PRKACB: variants seen among roughly 807,000 people sequenced by gnomAD.
PRKACB encodes the protein cAMP-dependent protein kinase catalytic subunit beta.
In PRKACB, 16 loss-of-function variants were observed where a neutral mutation model predicts 51.4. The observed-to-expected ratio is 0.31, with a 90% CI of 0.21 to 0.47. PRKACB has a LOEUF of 0.47. Ranked by LOEUF, PRKACB falls within the 20% of genes least tolerant of loss-of-function variation. The pLI, the probability that PRKACB is intolerant of heterozygous loss-of-function variation, is 1.00. For synonymous variants in PRKACB, 147 were observed against 154.4 expected (o/e 0.95, Z 0.35); for missense variants, 309 against 464.5 (o/e 0.67, Z 3.08).
In PRKACB at chr1:84,185,193, GT is replaced by G; in HGVS notation, c.560+15del. 6.7e-7 allele frequency: 1 copy of G among 1,494,432 alleles called. No homozygotes were observed. Among genetic ancestry groups the G allele is most frequent in the Non-Finnish European group, 8.9e-7 (1 of 1,120,704 alleles). 92.6% of individuals were successfully genotyped at this position (1,494,432 alleles called of 1,614,324 possible). ...AATTGGAAGGTTCAGGTAACTAATG[GT>G]TTTGCTTTCTTCAAATCTTTATATG... On this transcript the variant is annotated intron_variant, in intron 5 of 9. Coordinates refer to ENST00000370685, the MANE Select transcript of PRKACB (RefSeq NM_182948.4).
exon 1 of PRKACB, chr1:84,078,238 A>T: frequency 6.9e-7 from 1 of 1,457,408 alleles, no homozygotes; most frequent in Non-Finnish European, 9.4e-7. Flanking sequence ...ACGGGTGCAG[A>T]CGCGGGAGTT....
At chr1:84,124,550 T>G (rs957756976) in intron 1 of PRKACB, among the ~76,000 whole-genome samples, 1 of 152,222 alleles carries the variant, frequency 6.6e-6, no homozygotes, top group African/African-American at 2.4e-5. Context: ...TGGACATTTG[T>G]AATGTTGCTG....
intron 8 of PRKACB, among the ~76,000 whole-genome samples, chr1:84,207,268 G>A (rs1671477176): frequency 6.6e-6 from 1 of 152,126 alleles, no homozygotes; most frequent in Non-Finnish European, 1.5e-5. Context: ...CTGCAACCTT[G>A]TAGACTCATT....
chr1:84,225,448 C>T (rs1012033062), intron 9 of PRKACB, among the ~76,000 whole-genome samples: 6 of 152,012 alleles, frequency 3.9e-5, no homozygotes, highest in Non-Finnish European at 5.9e-5. Context: ...TGTGTGGGCT[C>T]GAGTGCTGGG....
intron 1 of PRKACB, among the ~76,000 whole-genome samples, chr1:84,095,447 A>G (rs914649108): frequency 6.6e-6 from 1 of 151,960 alleles, no homozygotes; most frequent in Non-Finnish European, 1.5e-5. Context: ...CTTTCTTTGA[A>G]CACTTTGAAG....
chr1:84,107,745 A>G (rs1225004110), intron 1 of PRKACB, among the ~76,000 whole-genome samples: 3 of 152,172 alleles, frequency 2.0e-5, no homozygotes, highest in Non-Finnish European at 4.4e-5. Flanking sequence ...AATGCTCAAT[A>G]TGACTAATCA....
Position 84,234,697 on chromosome 1 carries a change from C to A in PRKACB, c.1072-483C>A, listed in dbSNP as rs1482412810. Among the ~76,000 whole-genome samples, 12 of 152,166 alleles carry A rather than the reference C, an allele frequency of 7.9e-5. 1 individual carries two copies. The South Asian group carries it at 1.0e-3, about 13-fold the overall frequency. ...ATTTTCCAGGTGCCGTCTGTCACCCCTTTCTTTGACTAGGAAAGGGAACTC... is the reference window on the plus strand; with the variant it reads ...ATTTTCCAGGTGCCGTCTGTCACCCATTTCTTTGACTAGGAAAGGGAACTC... On this transcript the variant is annotated intron_variant, in intron 9 of 9. Coordinates refer to ENST00000370685, the MANE Select transcript of PRKACB (RefSeq NM_182948.4).
intron 1 of PRKACB, among the ~76,000 whole-genome samples, chr1:84,112,038 A>G (rs139171509): frequency 0.014 from 2,131 of 152,218 alleles, 19 homozygotes; most frequent in Non-Finnish European, 0.022. Context: ...TTTACTTATT[A>G]TATTAATAAG....
intron 5 of PRKACB, among the ~76,000 whole-genome samples, chr1:84,195,878 A>G (rs1483581805): frequency 6.7e-6 from 1 of 149,948 alleles, no homozygotes; most frequent in Non-Finnish European, 1.5e-5. Flanking sequence ...GTGCCACTGC[A>G]CTCCAGCCTG....
intron 5 of PRKACB, among the ~76,000 whole-genome samples, chr1:84,195,796 C>G (rs1668066579): frequency 6.6e-6 from 1 of 151,800 alleles, no homozygotes; most frequent in Non-Finnish European, 1.5e-5. Context: ...GCTTGTAATC[C>G]CAGCTACTCA....
rs1364179682 is a variant in PRKACB, at chr1:84,235,377, C to T, written c.*72C>T. The T allele has an allele frequency of 1.9e-6, 3 of 1,586,688 alleles. No homozygotes were observed. The highest frequency in any genetic ancestry group is 2.6e-6 in the Non-Finnish European group (3 of 1,165,064). ...GTTGAGAGATAAGGTAGAGCTGAGA[C>T]CGTCCTTGTTGAAGCAGTTACCTAG... is the stretch of plus-strand genomic sequence containing the variant. On this transcript the variant is annotated 3_prime_UTR_variant, in exon 10 of 10. Coordinates refer to ENST00000370685, the MANE Select transcript of PRKACB (RefSeq NM_182948.4).
intron 1 of PRKACB, among the ~76,000 whole-genome samples, chr1:84,158,245 C>T (rs1196278547): frequency 6.6e-6 from 1 of 152,034 alleles, no homozygotes; most frequent in African/African-American, 2.4e-5. Context: ...ACTATGTTGG[C>T]CAGGCTGGGC....
At chr1:84,229,904 T>G (rs2101685034) in intron 9 of PRKACB, among the ~76,000 whole-genome samples, 1 of 152,224 alleles carries the variant, frequency 6.6e-6, no homozygotes, top group East Asian at 1.9e-4. Context: ...CTGATGGTAG[T>G]TTCTTTTGAT....
chr1:84,147,348 C>G (rs1654243132), intron 1 of PRKACB, among the ~76,000 whole-genome samples: 2 of 151,984 alleles, frequency 1.3e-5, no homozygotes, highest in African/African-American at 4.8e-5. Flanking sequence ...TATACAATCT[C>G]TCAGACAGTT....
intron 1 of PRKACB, among the ~76,000 whole-genome samples, chr1:84,173,578 A>T (rs1478475430): frequency 6.6e-6 from 1 of 151,618 alleles, no homozygotes; most frequent in African/African-American, 2.4e-5. Flanking sequence ...GTGGAAGAAG[A>T]TGGACTAATG....
rs1165043294 is a variant in PRKACB at position 84,180,182 on chromosome 1, T to TGA, written c.249+945_249+946dup. ...AATCAACGAATGGATAAAGAAACTG[T>TGA]GATATATATATATATATATATATAT... On this transcript the variant is annotated intron_variant, in intron 2 of 9. Transcript: ENST00000370685. Among the ~76,000 whole-genome samples, 50 of 4,946 alleles carry TGA rather than the reference T, an allele frequency of 0.01. 5 individuals carry two copies. In the South Asian group the frequency reaches 0.22, roughly 22 times the overall value. 3.2% of individuals were successfully genotyped at this position (4,946 alleles called of 152,430 possible). A position where few individuals can be genotyped will look rare whatever the true frequency, so the allele number is the denominator to read the frequency against.
intron 8 of PRKACB, among the ~76,000 whole-genome samples, chr1:84,209,669 C>A (rs958363512): frequency 4.6e-5 from 7 of 152,124 alleles, no homozygotes; most frequent in Non-Finnish European, 1.0e-4. Flanking sequence ...GAAGACCTTA[C>A]TATGCAAAGT....
At chr1:84,152,490 T>C (rs1420968858) in intron 1 of PRKACB, among the ~76,000 whole-genome samples, 6 of 152,226 alleles carry the variant, frequency 3.9e-5, no homozygotes, top group Non-Finnish European at 5.9e-5. Context: ...TAATTCTGCA[T>C]TGAAAATCTG....
intron 1 of PRKACB, among the ~76,000 whole-genome samples, chr1:84,149,195 A>G (rs925905390): frequency 1.3e-5 from 2 of 152,222 alleles, no homozygotes; most frequent in Non-Finnish European, 2.9e-5. Context: ...TTCTGCCAAA[A>G]GGTAATGACT....
Sources: allele counts gnomAD v4.1 joint callset (sites outside exome capture counted in the v4.1 genomes callset), GRCh38; gene constraint gnomAD v4.1.1; transcripts MANE v1.5; gene names NCBI Gene and HGNC (gene_info 2026-07-23, HGNC 2026-07-21).